Variants in PALD1 observed in about 807,000 individuals in gnomAD.
PALD1 encodes phosphatase domain containing paladin 1, also known as paladin.
A neutral mutation model predicts 96.0 loss-of-function variants in PALD1; 57 were observed. That is an observed-to-expected ratio of 0.59 (90% CI 0.48 to 0.74). PALD1 has a LOEUF of 0.74. Ranked by LOEUF, PALD1 falls within the 30% of genes least tolerant of loss-of-function variation. The pLI is 0.00. For synonymous variants in PALD1, 464 were observed against 473.6 expected (o/e 0.98, Z 0.26); for missense variants, 1,063 against 1,143.7 (o/e 0.93, Z 1.02).
chr10:70,490,207 G>A (rs1846077050), intron 1 of PALD1, among the ~76,000 whole-genome samples: 1 of 152,052 alleles, frequency 6.6e-6, no homozygotes, highest in Non-Finnish European at 1.5e-5. Context: ...ACAGGCATGA[G>A]CCACCACGCC....
intron 18 of PALD1, among the ~76,000 whole-genome samples, chr10:70,562,161 C>G (rs1451980108): frequency 6.6e-6 from 1 of 152,210 alleles, no homozygotes; most frequent in Non-Finnish European, 1.5e-5. Flanking sequence ...GAACCAGGAC[C>G]TGAACCCAGC....
At chr10:70,508,817 GTGCA>G (rs1846450863) in intron 1 of PALD1, among the ~76,000 whole-genome samples, 1 of 121,642 alleles carries the variant, frequency 8.2e-6, no homozygotes, top group Non-Finnish European at 1.7e-5. Context: ...GTGTGTGTGT[GTGCA>G]GGCCTGTGGG....
intron 1 of PALD1, among the ~76,000 whole-genome samples, chr10:70,515,972 A>C (rs1753629162): frequency 6.6e-6 from 1 of 152,120 alleles, no homozygotes; most frequent in Non-Finnish European, 1.5e-5. Context: ...GGGCTTTTGC[A>C]TGCCTCTAAC....
At position 70,534,689 on chromosome 10, in the gene PALD1, G is replaced by C. The variant is rs757543188; in HGVS notation, c.1123-50G>C. 3.0e-6 allele frequency: 4 copies of C among 1,355,144 alleles called. No individual in the cohort carries two copies. In the South Asian group the frequency reaches 3.6e-5, roughly 12 times the overall value. The allele number at this position is 1,355,144 out of a possible 1,614,324, so 83.9% of individuals were successfully genotyped here. On this transcript the variant is annotated intron_variant, in intron 9 of 19. Transcript: ENST00000263563. ...TCTCCTGCCGTTCTGCCTTGACCCTGCTCCCCACCCCCCCACCTCCCTCTT... is the reference window on the plus strand; with the variant it reads ...TCTCCTGCCGTTCTGCCTTGACCCTCCTCCCCACCCCCCCACCTCCCTCTT...
chr10:70,511,688 G>A (rs983993122), intron 1 of PALD1, among the ~76,000 whole-genome samples: 1 of 152,190 alleles, frequency 6.6e-6, no homozygotes, highest in African/African-American at 2.4e-5. Flanking sequence ...AGAAGGGCAG[G>A]TGAGCATGTG....
In PALD1 at chr10:70,538,978, C is replaced by T. The variant is rs1268466155; in HGVS notation, c.1539C>T (p.Pro513=). 4 of 1,613,820 alleles carry T rather than the reference C, an allele frequency of 2.5e-6. No individual in the cohort carries two copies. Among genetic ancestry groups the T allele is most frequent in the Non-Finnish European group, 3.4e-6 (4 of 1,179,932 alleles). The change falls in exon 13 of 20, where the codon CCC becomes CCT. Residue 513 remains proline (P), a synonymous_variant. Coordinates refer to ENST00000263563, the MANE Select transcript of PALD1 (RefSeq NM_014431.3). The part of the protein sequence containing the change: ...VANFRRVPRM[P]IYGTAQPSAK... ...ACTTCCGGCGGGTGCCCCGCATGCC[C>T]ATCTACGGCACGGCCCAGCCCAGCG...
intron 9 of PALD1, 72 bp from the exon 10 acceptor site, chr10:70,534,667 C>T (rs1207781189): frequency 2.4e-6 from 3 of 1,238,086 alleles, no homozygotes; most frequent in Non-Finnish European, 3.5e-6. Flanking sequence ...TCTCTTTTCT[C>T]CTGCCGTTCT....
At chr10:70,517,198 T>G (rs1846637408) in intron 1 of PALD1, among the ~76,000 whole-genome samples, 1 of 152,164 alleles carries the variant, frequency 6.6e-6, no homozygotes, top group South Asian at 2.1e-4. Context: ...GGGCCAAGGT[T>G]GCACAGCTGA....
At chr10:70,555,558 T>C (rs1039401408) in intron 18 of PALD1, among the ~76,000 whole-genome samples, 3 of 152,214 alleles carry the variant, frequency 2.0e-5, no homozygotes, top group African/African-American at 4.8e-5. Flanking sequence ...CTGCCTGGGT[T>C]GGTGCAGAGT....
At chr10:70,554,585 C>CA (rs1847553176) in intron 18 of PALD1, among the ~76,000 whole-genome samples, 1 of 152,138 alleles carries the variant, frequency 6.6e-6, no homozygotes, top group Admixed American at 6.5e-5. Context: ...GTGACACCCG[C>CA]AGCAGACTTC....
the PALD1 span, among the ~76,000 whole-genome samples, chr10:70,458,563 G>A: frequency 6.6e-6 from 1 of 152,324 alleles, no homozygotes; most frequent in East Asian, 1.9e-4. Context: ...GGCTGGAGGC[G>A]GCAGTGAGTG....
At chr10:70,483,596 AC>A (rs1401730951) in intron 1 of PALD1, among the ~76,000 whole-genome samples, 1 of 151,818 alleles carries the variant, frequency 6.6e-6, no homozygotes, top group Non-Finnish European at 1.5e-5. Flanking sequence ...CCCTGAGATG[AC>A]CTGGGACCCT....
chr10:70,552,127 G>A (rs745338699), intron 18 of PALD1, among the ~76,000 whole-genome samples: 7 of 152,212 alleles, frequency 4.6e-5, no homozygotes, highest in Non-Finnish European at 1.0e-4. Flanking sequence ...AGTAGGGACC[G>A]GTGATGAAAG....
chr10:70,500,097 G>C (rs973063842), intron 1 of PALD1, among the ~76,000 whole-genome samples: 1 of 152,208 alleles, frequency 6.6e-6, no homozygotes, highest in South Asian at 2.1e-4. Flanking sequence ...GCTGGTCGTG[G>C]TGGAGCTAAG....
At position 70,539,724 on chromosome 10, in the gene PALD1, C is replaced by T. The variant is rs142187016; in HGVS notation, c.1870C>T (p.Arg624Cys). The T allele has an allele frequency of 2.7e-5, 44 of 1,612,778 alleles. No homozygotes were observed. Among genetic ancestry groups the T allele is most frequent in the South Asian group, 2.0e-4 (18 of 90,970 alleles). ...RRACPGLTYH[R>C]IPMPDFCAPR... ...GGCCTGTCCTGGCCTCACCTACCAC[C>T]GCATCCCCATGCCGGACTTCTGTGC... Residue 624 changes from arginine to cysteine, a missense_variant, in exon 15 of 20, where the codon CGC becomes TGC. Transcript: ENST00000263563. The surrounding 1 kb of genome is among the most constrained non-coding windows in gnomAD (Gnocchi z 4.5).
chr10:70,554,247 G>A (rs2132428614), intron 18 of PALD1, among the ~76,000 whole-genome samples: 1 of 152,314 alleles, frequency 6.6e-6, no homozygotes, highest in African/African-American at 2.4e-5. Context: ...TGGCCAACAT[G>A]GTGAAACCCT....
At position 70,539,068 on chromosome 10, in the gene PALD1, C is replaced by A; in HGVS notation, c.1570-24C>A. 8.7e-6 allele frequency: 14 copies of A among 1,613,636 alleles called. No individual in the cohort carries two copies. Among genetic ancestry groups the A allele is most frequent in the Non-Finnish European group, 1.2e-5 (14 of 1,179,776 alleles). ...GTTTGGGGAGGGAGGGCTGAGCACTCACTGCCGGCCCTCCTGTGCCCAGGC... is the reference window on the plus strand; with the variant it reads ...GTTTGGGGAGGGAGGGCTGAGCACTAACTGCCGGCCCTCCTGTGCCCAGGC... On this transcript the variant is annotated intron_variant, in intron 13 of 19. Transcript: ENST00000263563. This position sits in a 1 kb window ranked among gnomAD's most constrained non-coding sequence, Gnocchi z 4.5.
Position 70,534,415 on chromosome 10 carries a change from G to A in PALD1, c.1023-10G>A, listed in dbSNP as rs374865674. Reference sequence around the variant, plus strand: ...AAGAGCCTGCTAATGTACTGACCCTGCCTCGACAGGGCTGCCCCCACGCAG... The same window carrying A: ...AAGAGCCTGCTAATGTACTGACCCTACCTCGACAGGGCTGCCCCCACGCAG... On this transcript the variant is annotated splice_polypyrimidine_tract_variant and intron_variant, in intron 8 of 19. Coordinates refer to ENST00000263563, the MANE Select transcript of PALD1 (RefSeq NM_014431.3). 58 of 1,594,208 alleles carry A rather than the reference G, an allele frequency of 3.6e-5. No homozygotes were observed. In the African/African-American group the frequency reaches 6.2e-4, roughly 17 times the overall value.
chr10:70,547,285 A>AC (rs1488051235), intron 17 of PALD1, 21 bp from the exon 18 acceptor site: 3 of 1,611,098 alleles, frequency 1.9e-6, no homozygotes, highest in South Asian at 1.1e-5. Flanking sequence ...ATGTCTGCTC[A>AC]CCCCCCTTCT....
Sources: allele counts gnomAD v4.1 joint callset (sites outside exome capture counted in the v4.1 genomes callset), GRCh38; gene constraint gnomAD v4.1.1; non-coding constraint Gnocchi (gnomAD v3.1); transcripts MANE v1.5; gene names NCBI Gene and HGNC (gene_info 2026-07-23, HGNC 2026-07-21).